Variants in DOCK8 observed in about 807,000 individuals in gnomAD.
The protein encoded by DOCK8 is dedicator of cytokinesis protein 8.
DOCK8 carries 141 observed loss-of-function variants against 245.6 expected under a neutral mutation model. The observed-to-expected ratio is 0.57, with a 90% confidence interval of 0.50 to 0.66. The LOEUF (loss-of-function observed/expected upper bound fraction) is 0.66. DOCK8 is among the 30% of genes least tolerant of loss of function. DOCK8 has a pLI of 0.00. For synonymous variants in DOCK8, 1,168 were observed against 970.2 expected (o/e 1.20, Z -3.79); for missense variants, 2,965 against 2,603.4 (o/e 1.14, Z -3.02).
At chr9:346,532 C>T (rs1470539328) in intron 14 of DOCK8, among the ~76,000 whole-genome samples, 1 of 152,218 alleles carries the variant, frequency 6.6e-6, no homozygotes, top group Non-Finnish European at 1.5e-5. Context: ...TCATCTCTCA[C>T]TTCAGCCCCC....
intron 1 of DOCK8, among the ~76,000 whole-genome samples, chr9:244,965 G>T (rs2047472536): frequency 6.6e-6 from 1 of 152,148 alleles, no homozygotes; most frequent in Non-Finnish European, 1.5e-5. Flanking sequence ...GGGCAGGGCA[G>T]ACCACTGGGA....
rs942422839 is a variant in DOCK8, at chr9:463,631, C to G, written c.6183C>G (p.Ile2061Met). 5.6e-6 allele frequency: 9 copies of G among 1,613,606 alleles called. No individual in the cohort carries two copies. The Admixed American group carries it at 8.3e-5, about 15-fold the overall frequency. ...NKLKENLRPM[I>M]ERKIPELYKP... ...TAAAAGAGAACCTCAGGCCAATGAT[C>G]GAGCGGAAAATTCCAGAACTGTACA... Residue 2061 changes from isoleucine to methionine, a missense_variant, in exon 47 of 48, where the codon ATC becomes ATG. Transcript: ENST00000432829.
At chr9:246,399 G>C (rs1399804872) in intron 1 of DOCK8, among the ~76,000 whole-genome samples, 1 of 152,028 alleles carries the variant, frequency 6.6e-6, no homozygotes, top group Non-Finnish European at 1.5e-5. Context: ...ACATGGTTGT[G>C]AGCACCTGTA....
chr9:278,748 C>T (rs1393097130), intron 2 of DOCK8, among the ~76,000 whole-genome samples: 1 of 152,148 alleles, frequency 6.6e-6, no homozygotes, highest in Non-Finnish European at 1.5e-5. Context: ...TGACGTGCTC[C>T]AGAAGCAGCA....
At chr9:357,257 TATC>T (rs1406359152) in intron 14 of DOCK8, among the ~76,000 whole-genome samples, 4 of 152,212 alleles carry the variant, frequency 2.6e-5, no homozygotes, top group Non-Finnish European at 4.4e-5. Flanking sequence ...ATTCTACAAA[TATC>T]ATAGCAGCTA....
At chr9:389,716 G>A (rs10973631) in intron 23 of DOCK8, among the ~76,000 whole-genome samples, 2 of 152,088 alleles carry the variant, frequency 1.3e-5, no homozygotes, top group African/African-American at 4.8e-5. Flanking sequence ...GGCCCTGCAG[G>A]AGATTCTGAT....
At chr9:340,091 C>T (rs1586742249) in intron 13 of DOCK8, 68 bp from the exon 14 acceptor site, 3 of 1,560,040 alleles carry the variant, frequency 1.9e-6, no homozygotes, top group East Asian at 4.5e-5. Flanking sequence ...CACAGTGCAA[C>T]AATCTTTCTT....
At chr9:425,754 C>A (rs2056473475) in intron 33 of DOCK8, among the ~76,000 whole-genome samples, 1 of 129,892 alleles carries the variant, frequency 7.7e-6, no homozygotes, top group South Asian at 2.6e-4. Flanking sequence ...AAGACCCTGT[C>A]TCTAAGGAAA....
At chr9:311,302 T>TA (rs962452547) in intron 5 of DOCK8, among the ~76,000 whole-genome samples, 70 of 136,146 alleles carry the variant, frequency 5.1e-4, no homozygotes, top group African/African-American at 1.8e-3. Context: ...AAAAAAAAGG[T>TA]AATCATACCT....
chr9:382,685 G>T lies in DOCK8; in HGVS notation c.2778G>T (p.Lys926Asn). 1 of 1,614,072 alleles carries T rather than the reference G, an allele frequency of 6.2e-7. No homozygotes were observed. The highest frequency in any genetic ancestry group is 1.1e-5 in the South Asian group (1 of 91,070). ...DEEVKNIMSS[K>N]IADRNCSRMS... ...AAGTGAAGAACATCATGTCTTCAAA[G>T]GTAGGAAAGATGTCAAACCGTGGAA... The change falls in exon 22 of 48, where the codon AAG becomes AAT. Residue 926 changes from lysine (K) to asparagine (N), a missense_variant and splice_region_variant. This residue lies in a region of DOCK8 where 2,825 missense variants were observed against 2,453.5 expected (regional missense o/e 1.15). Coordinates refer to ENST00000432829, the MANE Select transcript of DOCK8 (RefSeq NM_203447.4).
At chr9:225,769 G>A (rs941706454) in intron 1 of DOCK8, among the ~76,000 whole-genome samples, 1 of 152,164 alleles carries the variant, frequency 6.6e-6, no homozygotes, top group Non-Finnish European at 1.5e-5. Context: ...ATGTAAACGG[G>A]CCATTGAGAG....
chr9:218,100 A>G (rs2046802097), intron 1 of DOCK8, among the ~76,000 whole-genome samples: 2 of 152,176 alleles, frequency 1.3e-5, no homozygotes, highest in Non-Finnish European at 2.9e-5. Flanking sequence ...AAGGTGGAAA[A>G]GAAATGTTTT....
At chr9:399,289 G>A in intron 26 of DOCK8, 30 bp downstream of exon 26, 1 of 1,421,676 alleles carries the variant, frequency 7.0e-7, no homozygotes, top group Non-Finnish European at 9.5e-7. Flanking sequence ...CCACCCCCGA[G>A]CGAGCCACTT....
rs772664756 is a variant in DOCK8 at position 463,687 on chromosome 9, G to A, written c.6239G>A (p.Arg2080Lys). Residue 2080 changes from arginine (R) to lysine (K), a missense_variant and splice_region_variant, in exon 47 of 48, where the codon AGG becomes AAG. Coordinates refer to ENST00000432829, the MANE Select transcript of DOCK8 (RefSeq NM_203447.4). ...KPIFRVESQK[R>K]DSFHRSSFRK... Reference sequence around the variant, plus strand: ...ATATTCAGAGTTGAGAGTCAAAAGAGGTAAGAACAGGGCAGAGGAGGCCTC... The same window carrying A: ...ATATTCAGAGTTGAGAGTCAAAAGAAGTAAGAACAGGGCAGAGGAGGCCTC... The A allele has an allele frequency of 7.4e-6, 12 of 1,613,668 alleles. No individual in the cohort carries two copies. The East Asian group carries it at 1.3e-4, about 18-fold the overall frequency.
intron 2 of DOCK8, among the ~76,000 whole-genome samples, chr9:275,647 G>GAT (rs1269037367): frequency 1.3e-4 from 19 of 151,220 alleles, no homozygotes; most frequent in Middle Eastern, 3.5e-3. Context: ...GGAGTGCAGT[G>GAT]GCGCAATCTT....
chr9:386,181 G>C (rs2053942617), intron 22 of DOCK8, 150 bp from the exon 23 acceptor site: 3 of 676,540 alleles, frequency 4.4e-6, no homozygotes, highest in Middle Eastern at 5.3e-4. Context: ...TCTTTGCTTT[G>C]TTTTATATTT....
At chr9:392,530 T>C (rs1487403846) in intron 24 of DOCK8, among the ~76,000 whole-genome samples, 1 of 152,330 alleles carries the variant, frequency 6.6e-6, no homozygotes, top group East Asian at 1.9e-4. Context: ...GAGGCCAGCA[T>C]TGTGCATTTA....
chr9:340,320 A>G lies in DOCK8; in HGVS notation c.1678A>G (p.Arg560Gly). 1 of 1,614,094 alleles carries G rather than the reference A, an allele frequency of 6.2e-7. No individual in the cohort carries two copies. The highest frequency in any genetic ancestry group is 1.1e-5 in the South Asian group (1 of 91,082). The change falls in exon 14 of 48, where the codon AGA (arginine) becomes GGA (glycine). Residue 560 changes from arginine to glycine, a missense_variant and splice_region_variant. Around this residue, in one of 3 missense-constraint regions of DOCK8, gnomAD observed 2,825 missense variants for 2,453.5 expected, o/e 1.15. Transcript: ENST00000432829. ...AGTATATGTCCCTCACACTGTGTAC[A>G]GGTAAGAAACACAGGCTCGGGCTGG... Reference protein sequence around the residue: ...REVYVPHTVYRNLLYVYPQRL... With the variant: ...REVYVPHTVYGNLLYVYPQRL...
chr9:265,126 C>G (rs1180668583), intron 1 of DOCK8, among the ~76,000 whole-genome samples: 2 of 152,046 alleles, frequency 1.3e-5, no homozygotes, highest in Non-Finnish European at 2.9e-5. Context: ...GAGACGGGGT[C>G]TCACCATGTT....
Sources: gnomAD v4.1 joint callset for allele counts (sites outside exome capture counted in the v4.1 genomes callset) on GRCh38, gnomAD v4.1.1 for gene constraint, gnomAD v4.1.1 regional missense constraint, MANE v1.5 for transcripts, NCBI Gene and HGNC (gene_info 2026-07-23, HGNC 2026-07-21) for gene names.